DNAH6: variants seen among roughly 807,000 people sequenced by gnomAD.
DNAH6 encodes the protein axonemal beta dynein heavy chain 6.
A neutral mutation model predicts 491.4 loss-of-function variants in DNAH6; 340 were observed. The observed-to-expected ratio is 0.69, with a 90% confidence interval of 0.63 to 0.76. The LOEUF is 0.76. DNAH6 is among the 30% of genes least tolerant of loss of function. The pLI, the probability that DNAH6 is intolerant of heterozygous loss-of-function variation, is 0.00. For missense variants in DNAH6, 4,443 were observed against 4,972.2 expected (o/e 0.89, Z 3.20); for synonymous variants, 1,603 against 1,686.1 (o/e 0.95, Z 1.21).
rs1176336349 is a variant in DNAH6 at position 84,704,270 on chromosome 2, A to G, written c.8433A>G (p.Val2811=). ...AGCCCCCAGATTTGGTCATGACAGTAATGGAAGCAATCTCCATTCTTTTGA... is the reference window on the plus strand; with the variant it reads ...AGCCCCCAGATTTGGTCATGACAGTGATGGAAGCAATCTCCATTCTTTTGA... ...FTKPPDLVMT[V]MEAISILLNA... Residue 2811 remains valine (V), a synonymous_variant, in exon 51 of 77, where the codon GTA becomes GTG. Transcript: ENST00000389394. 1 of 1,551,590 alleles carries G rather than the reference A, an allele frequency of 6.4e-7. No homozygotes were observed. Among genetic ancestry groups the G allele is most frequent in the Non-Finnish European group, 8.7e-7 (1 of 1,146,976 alleles).
At chr2:84,700,980 T>C (rs915215245) in intron 48 of DNAH6, 117 bp from the exon 49 acceptor site, 4 of 1,172,684 alleles carry the variant, frequency 3.4e-6, no homozygotes, top group Non-Finnish European at 4.7e-6. Flanking sequence ...AGGAGTTAAC[T>C]AGGTGAAGAG....
At chr2:84,558,320 G>T (rs1334931344) in intron 11 of DNAH6, among the ~76,000 whole-genome samples, 4 of 151,838 alleles carry the variant, frequency 2.6e-5, no homozygotes, top group Non-Finnish European at 5.9e-5. Context: ...CCCAACTTGG[G>T]AGGCTGAGGT....
chr2:84,645,104 G>GT (rs912068906), intron 33 of DNAH6, among the ~76,000 whole-genome samples: 49 of 151,818 alleles, frequency 3.2e-4, no homozygotes, highest in African/African-American at 4.1e-4. Flanking sequence ...ATCAACATCT[G>GT]TTTTTTTTCG....
chr2:84,784,134 T>C (rs1676956123), intron 65 of DNAH6, among the ~76,000 whole-genome samples: 1 of 152,222 alleles, frequency 6.6e-6, no homozygotes, highest in Admixed American at 6.5e-5. Flanking sequence ...TTTTTCCAAC[T>C]TTACTTTGGC....
intron 70 of DNAH6, among the ~76,000 whole-genome samples, chr2:84,804,679 A>G (rs1239436561): frequency 6.6e-6 from 1 of 152,180 alleles, no homozygotes; most frequent in African/African-American, 2.4e-5. Flanking sequence ...CCTCACTTTC[A>G]TAATTTCTTT....
chr2:84,704,645 T>C (rs1421354669), intron 51 of DNAH6, among the ~76,000 whole-genome samples: 2 of 152,162 alleles, frequency 1.3e-5, no homozygotes, highest in African/African-American at 4.8e-5. Context: ...AAAACACTGC[T>C]CAGTTGGATA....
At chr2:84,684,836 G>T (rs528810011) in intron 42 of DNAH6, among the ~76,000 whole-genome samples, 3 of 152,334 alleles carry the variant, frequency 2.0e-5, no homozygotes, top group Middle Eastern at 6.8e-3. Context: ...CTAATGAAAT[G>T]AGTACTCAGA....
chr2:84,736,357 A>G (rs1699538059), intron 62 of DNAH6, among the ~76,000 whole-genome samples: 1 of 152,088 alleles, frequency 6.6e-6, no homozygotes, highest in African/African-American at 2.4e-5. Context: ...GAATTTTAGA[A>G]TAGTTTTTTC....
At chr2:84,637,934 A>T (rs1165643492) in intron 31 of DNAH6, among the ~76,000 whole-genome samples, 1 of 152,084 alleles carries the variant, frequency 6.6e-6, no homozygotes, top group Non-Finnish European at 1.5e-5. Flanking sequence ...TGCTAGCCAA[A>T]AATTGATGTA....
At chr2:84,610,648 C>G (rs1480868619) in intron 21 of DNAH6, among the ~76,000 whole-genome samples, 1 of 152,150 alleles carries the variant, frequency 6.6e-6, no homozygotes, top group African/African-American at 2.4e-5. Flanking sequence ...AGATATTTAG[C>G]TTGACTTAAT....
At chr2:84,528,841 G>C in intron 3 of DNAH6, 63 bp from the exon 4 acceptor site, 1 of 1,414,422 alleles carries the variant, frequency 7.1e-7, no homozygotes. Flanking sequence ...GTAATATTTT[G>C]TTGCTCTTGT....
chr2:84,627,064 T>C (rs1687949314), intron 29 of DNAH6, among the ~76,000 whole-genome samples: 1 of 152,192 alleles, frequency 6.6e-6, no homozygotes, highest in Admixed American at 6.5e-5. Flanking sequence ...TTTGAGACCG[T>C]GGTTCTGAGA....
At chr2:84,551,007 T>G (rs1040195249) in intron 9 of DNAH6, among the ~76,000 whole-genome samples, 2 of 152,176 alleles carry the variant, frequency 1.3e-5, no homozygotes, top group Non-Finnish European at 2.9e-5. Context: ...CATATTCAAA[T>G]TTCCCAGTAA....
intron 63 of DNAH6, among the ~76,000 whole-genome samples, chr2:84,746,540 T>C (rs1672995021): frequency 6.6e-6 from 1 of 152,202 alleles, no homozygotes; most frequent in Non-Finnish European, 1.5e-5. Context: ...GGGTATAATA[T>C]TATCTGCTAA....
At chr2:84,598,153 T>TGC in intron 18 of DNAH6, among the ~76,000 whole-genome samples, 1 of 63,200 alleles carries the variant, frequency 1.6e-5, no homozygotes, top group African/African-American at 4.0e-5. Context: ...CTTTCTTTCT[T>TGC]TCTTTCTTTC....
chr2:84,477,399 T>A, the DNAH6 span, among the ~76,000 whole-genome samples: 9 of 148,998 alleles, frequency 6.0e-5, no homozygotes, highest in African/African-American at 2.3e-4. Context: ...CTGCCTCAGC[T>A]TTTTTCCCAA....
chr2:84,811,711 A>G (rs2105336229), intron 72 of DNAH6, among the ~76,000 whole-genome samples: 1 of 152,176 alleles, frequency 6.6e-6, no homozygotes, highest in Admixed American at 6.5e-5. Context: ...AAATACAAAA[A>G]TTATCTGGGC....
At chr2:84,583,119 G>A (rs72941005) in intron 14 of DNAH6, among the ~76,000 whole-genome samples, 3,540 of 152,298 alleles carry the variant, frequency 0.023, 125 homozygotes, top group African/African-American at 0.08. Context: ...CTGTCCACTG[G>A]AAGTGAGAAA....
intron 76 of DNAH6, 108 bp from the exon 77 acceptor site, chr2:84,819,197 G>T: frequency 1.5e-6 from 1 of 675,186 alleles, no homozygotes. Context: ...ATCTTTAGGG[G>T]CAAGTCAGGC....
Sources: allele counts gnomAD v4.1 joint callset (sites outside exome capture counted in the v4.1 genomes callset), GRCh38; gene constraint gnomAD v4.1.1; transcripts MANE v1.5; gene names NCBI Gene and HGNC (gene_info 2026-07-23, HGNC 2026-07-21).